The following ADCY10 variants were observed in gnomAD, a reference collection of about 807,000 sequenced individuals.
The protein encoded by ADCY10 is adenylate cyclase 10.
In ADCY10, 156 loss-of-function variants were observed where a neutral mutation model predicts 183.3. The ratio of observed to expected loss-of-function variants is 0.85; its 90% CI spans 0.75 to 0.97. The LOEUF is 0.97. Among genes scored for constraint, ADCY10 ranks in the 50% least tolerant of loss-of-function variants. The probability of loss-of-function intolerance (pLI) is 0.00; values close to 1 mark genes in which losing one functional copy is unlikely to be tolerated. For synonymous variants in ADCY10, 645 were observed against 670.0 expected (o/e 0.96, Z 0.58); for missense variants, 1,745 against 1,934.3 (o/e 0.90, Z 1.84).
chr1:167,822,506 A>G (rs1005779069), intron 29 of ADCY10, among the ~76,000 whole-genome samples: 3 of 152,158 alleles, frequency 2.0e-5, no homozygotes, highest in Non-Finnish European at 4.4e-5. Context: ...GGGGAAAACA[A>G]TTCAGGTTGG....
At chr1:167,839,006 G>A (rs150545462) in intron 21 of ADCY10, among the ~76,000 whole-genome samples, 14 of 152,218 alleles carry the variant, frequency 9.2e-5, no homozygotes, top group African/African-American at 2.2e-4. Context: ...TGAATTCATC[G>A]TCTTCTGTCC....
At chr1:167,868,165 A>G (rs1186324487) in intron 14 of ADCY10, among the ~76,000 whole-genome samples, 26 of 152,192 alleles carry the variant, frequency 1.7e-4, no homozygotes, top group Admixed American at 1.6e-3. Context: ...GAAAAACCAG[A>G]AATTTGTTTT....
chr1:167,836,440 A>G lies in ADCY10; in HGVS notation c.3178T>C (p.Cys1060Arg). Residue 1060 changes from cysteine (C) to arginine (R), a missense_variant, in exon 23 of 33, where the codon TGT (cysteine) becomes CGT (arginine). Transcript: ENST00000367851. ...EDIIPLESCQ[C>R]EEILEIVILP... is the part of the protein sequence containing the mutation. Reference sequence around the variant, plus strand: ...ATGACAATCTCTAGGATTTCTTCACACTGGCAAGATTCCAGAGGGATAATG... The same window carrying G: ...ATGACAATCTCTAGGATTTCTTCACGCTGGCAAGATTCCAGAGGGATAATG... 1 of 1,614,152 alleles carries G rather than the reference A, an allele frequency of 6.2e-7. No individual in the cohort carries two copies. Among genetic ancestry groups the G allele is most frequent in the South Asian group, 1.1e-5 (1 of 91,084 alleles).
intron 8 of ADCY10, among the ~76,000 whole-genome samples, chr1:167,885,741 A>C (rs1668177062): frequency 6.6e-6 from 1 of 151,954 alleles, no homozygotes; most frequent in Non-Finnish European, 1.5e-5. Flanking sequence ...TCAGCCCCTG[A>C]GTAGCTGGGA....
chr1:167,824,085 C>T (rs1358476733), intron 28 of ADCY10, among the ~76,000 whole-genome samples: 1 of 152,208 alleles, frequency 6.6e-6, no homozygotes, highest in Non-Finnish European at 1.5e-5. Context: ...CTTTGGGAGG[C>T]TGAGGTGGGT....
intron 22 of ADCY10, 73 bp from the exon 23 acceptor site, chr1:167,836,613 G>A: frequency 1.8e-6 from 2 of 1,119,600 alleles, no homozygotes; most frequent in Non-Finnish European, 2.7e-6. Flanking sequence ...CTTTAGGCCA[G>A]ACGCGGTGGC....
chr1:167,833,001 C>T lies in ADCY10; in HGVS notation c.3579G>A (p.Glu1193=). 3 of 1,613,878 alleles carry T rather than the reference C, an allele frequency of 1.9e-6. No individual in the cohort carries two copies. The highest frequency in any genetic ancestry group is 2.5e-6 in the Non-Finnish European group (3 of 1,179,942). Residue 1193 remains glutamate (E), a synonymous_variant, in exon 25 of 33, where the codon GAG becomes GAA. Coordinates refer to ENST00000367851, the MANE Select transcript of ADCY10 (RefSeq NM_018417.6). ...CCTTCCCTTACCCTGGAGGTGGGCT[C>T]TCTTGGGCCTGCCGATTCACATAAT... ...HFHYVNRQAQ[E]SPPPGKKRLA... is the part of the protein sequence containing the mutation.
intron 16 of ADCY10, among the ~76,000 whole-genome samples, chr1:167,856,782 T>A (rs1287866286): frequency 6.6e-6 from 1 of 152,178 alleles, no homozygotes; most frequent in Non-Finnish European, 1.5e-5. Flanking sequence ...TAATTATGAG[T>A]CATTTTAATC....
At chr1:167,859,950 G>A in intron 15 of ADCY10, 57 bp from the exon 16 acceptor site, 1 of 1,318,266 alleles carries the variant, frequency 7.6e-7, no homozygotes, top group Non-Finnish European at 1.1e-6. Context: ...GGAACTACTG[G>A]CTATGCAACT....
chr1:167,821,173 T>G (rs1286816526), intron 30 of ADCY10: 2 of 152,272 alleles, frequency 1.3e-5, no homozygotes, highest in African/African-American at 4.8e-5. Context: ...AACCTTAGCA[T>G]TCATCTCCTT....
Position 167,901,658 on chromosome 1 carries a change from T to G in ADCY10, c.436+4A>C, listed in dbSNP as rs1473913594. On this transcript the variant is annotated splice_donor_region_variant and intron_variant, in intron 5 of 32. Coordinates refer to ENST00000367851, the MANE Select transcript of ADCY10 (RefSeq NM_018417.6). ...GTAGGATTTATTCCTTCTCAAATGCTTACCTATCTTGACTCGGATGTCTAG... is the reference window on the plus strand; with the variant it reads ...GTAGGATTTATTCCTTCTCAAATGCGTACCTATCTTGACTCGGATGTCTAG... The G allele has an allele frequency of 6.2e-7, 1 of 1,613,908 alleles. No homozygotes were observed. Among genetic ancestry groups the G allele is most frequent in the African/African-American group, 1.3e-5 (1 of 74,920 alleles).
chr1:167,811,010 A>T, intron 31 of ADCY10, 97 bp from the exon 32 acceptor site: 2 of 1,158,278 alleles, frequency 1.7e-6, no homozygotes, highest in South Asian at 1.3e-5. Flanking sequence ...CATTTCAAGG[A>T]TTTAAGCAAT....
intron 14 of ADCY10, among the ~76,000 whole-genome samples, chr1:167,863,617 C>T (rs539660934): frequency 6.6e-6 from 1 of 152,098 alleles, no homozygotes; most frequent in Non-Finnish European, 1.5e-5. Context: ...AACAGATGGT[C>T]GAGGCAGCTC....
rs538462140 is a variant in ADCY10, at chr1:167,853,830, C to CTTTTTTTTTTTT, written c.2308+511_2308+522dup. On this transcript the variant is annotated intron_variant, in intron 18 of 32. Coordinates refer to ENST00000367851, the MANE Select transcript of ADCY10 (RefSeq NM_018417.6). ...TGTTCTTTCATTTCTACTATAGTTA[C>CTTTTTTTTTTTT]TTTTTTTTTTTTTTTTTTTTTTTTT... Among the ~76,000 whole-genome samples the CTTTTTTTTTTTT allele has an allele frequency of 3.6e-3, 276 of 77,184 alleles. 43 individuals are homozygous for CTTTTTTTTTTTT. Among genetic ancestry groups the CTTTTTTTTTTTT allele is most frequent in the African/African-American group, 7.2e-3 (130 of 18,128 alleles). The allele number at this position is 77,184 out of a possible 152,430, so 50.6% of individuals were successfully genotyped here.
intron 12 of ADCY10, 133 bp downstream of exon 12, chr1:167,878,313 G>A: frequency 1.0e-6 from 1 of 956,374 alleles, no homozygotes; most frequent in Non-Finnish European, 1.6e-6. Flanking sequence ...TGAAGTCTGG[G>A]CCTTGGTCTG....
chr1:167,823,114 T>C lies in ADCY10; in HGVS notation c.4062A>G (p.Gln1354=). ...ACAGCCGCCCCAGCACCTGGATCAA[T>C]TGCGGGTATCTATGGAAAAGAAAAG... ...RCLLLNSRYP[Q]LIQVLGRLWE... is the part of the protein sequence containing the mutation. The change falls in exon 29 of 33, where the codon CAA becomes CAG. Residue 1354 remains glutamine, a synonymous_variant. Coordinates refer to ENST00000367851, the MANE Select transcript of ADCY10 (RefSeq NM_018417.6). The C allele has an allele frequency of 1.2e-6, 2 of 1,614,004 alleles. No homozygotes were observed. The highest frequency in any genetic ancestry group is 1.7e-6 in the Non-Finnish European group (2 of 1,179,926).
intron 18 of ADCY10, 99 bp from the exon 19 acceptor site, chr1:167,848,588 C>T (rs1194551823): frequency 7.6e-7 from 1 of 1,320,346 alleles, no homozygotes; most frequent in Non-Finnish European, 1.1e-6. Flanking sequence ...ATGAGGAAGA[C>T]TGGGCAGAGA....
chr1:167,824,329 G>GA, intron 28 of ADCY10, 147 bp downstream of exon 28: 2 of 764,696 alleles, frequency 2.6e-6, no homozygotes, highest in East Asian at 2.5e-5. Flanking sequence ...TCTGAAAAAA[G>GA]AAAAAAGGGT....
intron 20 of ADCY10, 31 bp downstream of exon 20, chr1:167,845,954 A>G: frequency 1.2e-6 from 2 of 1,614,130 alleles, no homozygotes; most frequent in Non-Finnish European, 1.7e-6. Flanking sequence ...GGTCCTTAAG[A>G]GGAAATTGGG....
Sources: allele counts gnomAD v4.1 joint callset (sites outside exome capture counted in the v4.1 genomes callset), GRCh38; gene constraint gnomAD v4.1.1; transcripts MANE v1.5; gene names NCBI Gene and HGNC (gene_info 2026-07-23, HGNC 2026-07-21).